CNTNAP4: variants seen among roughly 807,000 people sequenced by gnomAD.
CNTNAP4 encodes contactin-associated protein-like 4.
In CNTNAP4, 98 loss-of-function variants were observed where a neutral mutation model predicts 148.4. The ratio of observed to expected loss-of-function variants is 0.66; its 90% CI spans 0.56 to 0.78. CNTNAP4 has a LOEUF of 0.78. Ranked by LOEUF, CNTNAP4 falls within the 30% of genes least tolerant of loss-of-function variation. CNTNAP4 has a pLI of 0.00. For missense variants in CNTNAP4, 1,935 were observed against 1,565.6 expected (o/e 1.24, Z -3.98); for synonymous variants, 730 against 565.1 (o/e 1.29, Z -4.14).
intron 2 of CNTNAP4, among the ~76,000 whole-genome samples, chr16:76,324,127 C>T (rs1962717299): frequency 6.6e-6 from 1 of 152,156 alleles, no homozygotes; most frequent in Non-Finnish European, 1.5e-5. Flanking sequence ...GATTATCCTT[C>T]TAAGTTTTCC....
intron 21 of CNTNAP4, among the ~76,000 whole-genome samples, chr16:76,551,182 G>T (rs2084937623): frequency 6.6e-6 from 1 of 152,078 alleles, no homozygotes; most frequent in African/African-American, 2.4e-5. Flanking sequence ...AGGCCAAAGT[G>T]GGTGGATCAC....
chr16:76,411,904 G>A (rs1506830), intron 3 of CNTNAP4, among the ~76,000 whole-genome samples: 52,946 of 151,182 alleles, frequency 0.35, 10,919 homozygotes, highest in Non-Finnish European at 0.44. Flanking sequence ...CTATGTAAAT[G>A]TTACGTAGGC....
intron 17 of CNTNAP4, among the ~76,000 whole-genome samples, chr16:76,533,930 T>C (rs1295028350): frequency 1.3e-5 from 2 of 152,326 alleles, no homozygotes; most frequent in African/African-American, 4.8e-5. Context: ...GACATTTAAA[T>C]ACAGCAATTT....
chr16:76,322,629 G>A (rs1240765161), intron 2 of CNTNAP4, among the ~76,000 whole-genome samples: 1 of 152,150 alleles, frequency 6.6e-6, no homozygotes, highest in Non-Finnish European at 1.5e-5. Flanking sequence ...TTCTGAAAAT[G>A]ATTGTGGCAC....
intron 4 of CNTNAP4, among the ~76,000 whole-genome samples, chr16:76,440,633 A>G (rs2079998561): frequency 6.6e-6 from 1 of 152,160 alleles, no homozygotes; most frequent in Non-Finnish European, 1.5e-5. Context: ...TCATGCTGCC[A>G]TCTGCCTCAG....
chr16:76,476,119 T>A (rs919018505), intron 11 of CNTNAP4, 74 bp downstream of exon 11: 1 of 988,644 alleles, frequency 1.0e-6, no homozygotes, highest in South Asian at 1.4e-5. Flanking sequence ...CATTGCTGTG[T>A]GTATATATGT....
rs2083797710 is a variant in CNTNAP4, at chr16:76,527,620, A to AT, written c.2755+5363_2755+5364insT. ...TTCTTCTAATAAGAATGTTTTAAATACAGAGACTGATGGTAATAATAATAA... is the reference window on the plus strand; with the variant it reads ...TTCTTCTAATAAGAATGTTTTAAATATCAGAGACTGATGGTAATAATAATAA... On this transcript the variant is annotated intron_variant, in intron 17 of 23. Coordinates refer to ENST00000611870, the MANE Select transcript of CNTNAP4 (RefSeq NM_033401.5). Among the ~76,000 whole-genome samples the AT allele has an allele frequency of 3.9e-5, 6 of 152,332 alleles. No homozygotes were observed. In the South Asian group the frequency reaches 1.2e-3, roughly 32 times the overall value.
chr16:76,334,363 G>A (rs1291974677), intron 2 of CNTNAP4, among the ~76,000 whole-genome samples: 1 of 151,878 alleles, frequency 6.6e-6, no homozygotes, highest in African/African-American at 2.4e-5. Flanking sequence ...TCTGTGTTGG[G>A]GCACCACTTA....
intron 17 of CNTNAP4, among the ~76,000 whole-genome samples, chr16:76,525,971 C>G (rs990916510): frequency 6.6e-6 from 1 of 151,088 alleles, no homozygotes; most frequent in Non-Finnish European, 1.5e-5. Flanking sequence ...ATGTATGTAT[C>G]CGTACATGTA....
intron 3 of CNTNAP4, among the ~76,000 whole-genome samples, chr16:76,371,431 G>A (rs1391301404): frequency 6.6e-6 from 1 of 152,036 alleles, no homozygotes; most frequent in African/African-American, 2.4e-5. Context: ...GATTACAGGT[G>A]CGTGCCTCCC....
At chr16:76,516,210 G>C (rs2083247129) in intron 15 of CNTNAP4, among the ~76,000 whole-genome samples, 1 of 148,554 alleles carries the variant, frequency 6.7e-6, no homozygotes, top group African/African-American at 2.5e-5. Flanking sequence ...TTCTGTTTCT[G>C]TGTTAGTGTG....
At chr16:76,552,577 G>A (rs2085000902) in intron 21 of CNTNAP4, among the ~76,000 whole-genome samples, 1 of 152,186 alleles carries the variant, frequency 6.6e-6, no homozygotes, top group Non-Finnish European at 1.5e-5. Context: ...ATAGGAGGAA[G>A]AGATTATCTG....
chr16:76,386,247 G>C (rs181172303), intron 3 of CNTNAP4, among the ~76,000 whole-genome samples: 1 of 152,082 alleles, frequency 6.6e-6, no homozygotes, highest in East Asian at 1.9e-4. Flanking sequence ...TACCATATGG[G>C]TATAGTATAG....
chr16:76,309,973 G>A (rs1597147611), intron 1 of CNTNAP4: 1 of 683,380 alleles, frequency 1.5e-6, no homozygotes, highest in Non-Finnish European at 2.7e-6. Context: ...CATGGAAACG[G>A]ACTAAAACAG....
At chr16:76,289,909 T>A (rs2143818942) in intron 1 of CNTNAP4, among the ~76,000 whole-genome samples, 1 of 152,294 alleles carries the variant, frequency 6.6e-6, no homozygotes, top group South Asian at 2.1e-4. Flanking sequence ...TTCCTTTTAT[T>A]ATTTTCTGGT....
chr16:76,401,582 T>C (rs1294141746), intron 3 of CNTNAP4, among the ~76,000 whole-genome samples: 1 of 152,142 alleles, frequency 6.6e-6, no homozygotes, highest in South Asian at 2.1e-4. Flanking sequence ...GATACTATGT[T>C]GAACGAGAGT....
chr16:76,386,247 G>T (rs181172303), intron 3 of CNTNAP4, among the ~76,000 whole-genome samples: 2 of 152,200 alleles, frequency 1.3e-5, no homozygotes, highest in Non-Finnish European at 2.9e-5. Context: ...TACCATATGG[G>T]TATAGTATAG....
intron 1 of CNTNAP4, among the ~76,000 whole-genome samples, chr16:76,315,478 GTT>G (rs1333641019): frequency 6.6e-6 from 1 of 152,164 alleles, no homozygotes; most frequent in Non-Finnish European, 1.5e-5. Flanking sequence ...ATGTGTCAGA[GTT>G]TCTCTTGGCC....
chr16:76,362,734 C>A (rs1237224995), intron 3 of CNTNAP4, among the ~76,000 whole-genome samples: 1 of 152,122 alleles, frequency 6.6e-6, no homozygotes, highest in East Asian at 1.9e-4. Context: ...GAAGAGTACA[C>A]ACCAGAACCT....
Sources: allele counts gnomAD v4.1 joint callset (sites outside exome capture counted in the v4.1 genomes callset), GRCh38; gene constraint gnomAD v4.1.1; transcripts MANE v1.5; gene names NCBI Gene and HGNC (gene_info 2026-07-23, HGNC 2026-07-21).